Variants in SPTB observed in about 807,000 individuals in gnomAD.
The protein encoded by SPTB is spectrin beta chain, erythrocytic.
SPTB carries 45 observed loss-of-function variants against 256.2 expected under a neutral mutation model. That is an observed-to-expected ratio of 0.18 (90% CI 0.14 to 0.23). The LOEUF is 0.23. Among genes scored for constraint, SPTB ranks in the 10% least tolerant of loss-of-function variants. The probability of loss-of-function intolerance (pLI) is 1.00; values close to 1 mark genes in which losing one functional copy is unlikely to be tolerated. For missense variants in SPTB, 2,715 were observed against 3,040.4 expected (o/e 0.89, Z 2.52); for synonymous variants, 1,231 against 1,243.1 (o/e 0.99, Z 0.21).
At chr14:64,849,902 A>G (rs1219319095) in intron 1 of SPTB, among the ~76,000 whole-genome samples, 2 of 152,146 alleles carry the variant, frequency 1.3e-5, no homozygotes, top group African/African-American at 2.4e-5. Flanking sequence ...TGTACTCTTC[A>G]AAGACAAAGT....
At chr14:64,832,141 A>G (rs2083461765) in intron 1 of SPTB, among the ~76,000 whole-genome samples, 1 of 152,172 alleles carries the variant, frequency 6.6e-6, no homozygotes. Flanking sequence ...ATCTATATTC[A>G]TGGTAGCTTC....
At chr14:64,879,114 G>A (rs1882979953) in intron 1 of SPTB, among the ~76,000 whole-genome samples, 1 of 152,204 alleles carries the variant, frequency 6.6e-6, no homozygotes, top group Non-Finnish European at 1.5e-5. Context: ...GGGTAGAGTA[G>A]CCCGGAGAAG....
chr14:64,765,337 T>G (rs2082153864), intron 32 of SPTB, among the ~76,000 whole-genome samples: 1 of 152,114 alleles, frequency 6.6e-6, no homozygotes, highest in Non-Finnish European at 1.5e-5. Flanking sequence ...AGCCGTGTGC[T>G]GAATTCTTGC....
chr14:64,757,779 G>A (rs2082036354), intron 32 of SPTB, among the ~76,000 whole-genome samples: 2 of 152,174 alleles, frequency 1.3e-5, no homozygotes, highest in Non-Finnish European at 2.9e-5. Context: ...CCTGGAGGGG[G>A]ACAAGGAGGA....
In SPTB at chr14:64,866,718, C is replaced by T. The variant is rs952228099; in HGVS notation, c.-52+13074G>A. Among the ~76,000 whole-genome samples the T allele has an allele frequency of 2.6e-5, 4 of 151,968 alleles. No homozygotes were observed. The highest frequency in any genetic ancestry group is 5.9e-5 in the Non-Finnish European group (4 of 68,000). On this transcript the variant is annotated intron_variant, in intron 1 of 35. Coordinates refer to ENST00000644917, the MANE Select transcript of SPTB (RefSeq NM_001355436.2). This position sits in a 1 kb window ranked among gnomAD's most constrained non-coding sequence, Gnocchi z 4.6. ...CCGTTGGTGAGGCTCACTTTTTGTC[C>T]GGGTAAGGCAGAAATGAGGGCAGAA...
intron 33 of SPTB, among the ~76,000 whole-genome samples, chr14:64,751,927 C>CAAAAAAGAAAAAAAAAAAAAAA (rs2081955776): frequency 1.4e-5 from 1 of 71,940 alleles, no homozygotes; most frequent in African/African-American, 5.7e-5. Flanking sequence ...ACTAAAAATG[C>CAAAAAAGAAAAAAAAAAAAAAA]AAAAAAAAAA....
Position 64,847,735 on chromosome 14 carries a change from A to G in SPTB, c.-51-24590T>C, listed in dbSNP as rs1189713345. Among the ~76,000 whole-genome samples, 1 of 152,136 alleles carries G rather than the reference A, an allele frequency of 6.6e-6. No homozygotes were observed. Among genetic ancestry groups the G allele is most frequent in the Non-Finnish European group, 1.5e-5 (1 of 68,010 alleles). Reference sequence around the variant, plus strand: ...GCCAGATTCTAAATAAACCACTTGAAACTCATTGCAGAGTTCATGCCTAAC... The same window carrying G: ...GCCAGATTCTAAATAAACCACTTGAGACTCATTGCAGAGTTCATGCCTAAC... On this transcript the variant is annotated intron_variant, in intron 1 of 35. Transcript: ENST00000644917. The surrounding 1 kb of genome is among the most constrained non-coding windows in gnomAD (Gnocchi z 5.9).
intron 1 of SPTB, among the ~76,000 whole-genome samples, chr14:64,842,682 G>A (rs148134298): frequency 0.018 from 2,708 of 152,294 alleles, 33 homozygotes; most frequent in Non-Finnish European, 0.027. Flanking sequence ...TAAGGTTGCT[G>A]CTGTTTCCAC....
rs2083822031 is a variant in SPTB, at chr14:64,853,696, G to C, written c.-52+26096C>G. ...AGGGACAGTTGTATTCAATGGGAAA[G>C]ACCTGAACTTATCTATAGGCAAGAG... is the stretch of plus-strand genomic sequence containing the variant. On this transcript the variant is annotated intron_variant, in intron 1 of 35. Transcript: ENST00000644917. This position sits in a 1 kb window ranked among gnomAD's most constrained non-coding sequence, Gnocchi z 4.3. Among the ~76,000 whole-genome samples the C allele has an allele frequency of 6.6e-6, 1 of 152,168 alleles. No homozygotes were observed. Among genetic ancestry groups the C allele is most frequent in the Non-Finnish European group, 1.5e-5 (1 of 68,034 alleles).
Position 64,823,748 on chromosome 14 carries a change from C to T in SPTB, c.-51-603G>A, listed in dbSNP as rs1244202745. 1.3e-5 allele frequency among the ~76,000 whole-genome samples: 2 copies of T among 152,176 alleles called. No individual in the cohort carries two copies. Among genetic ancestry groups the T allele is most frequent in the African/African-American group, 4.8e-5 (2 of 41,434 alleles). ...TTTCTGAGAGCCCTCTGAGTTCCTT[C>T]CCAGCAGTTGGTATTCAGAAAGCTG... On this transcript the variant is annotated intron_variant, in intron 1 of 35. Coordinates refer to ENST00000644917, the MANE Select transcript of SPTB (RefSeq NM_001355436.2). The surrounding 1 kb of genome is among the most constrained non-coding windows in gnomAD (Gnocchi z 6.5).
chr14:64,768,677 A>C, intron 29 of SPTB, among the ~76,000 whole-genome samples: 1 of 144,972 alleles, frequency 6.9e-6, no homozygotes, highest in South Asian at 2.3e-4. Context: ...CCTCCCCCGG[A>C]CCCTCAACCC....
At position 64,779,271 on chromosome 14, in the gene SPTB, G is replaced by A. The variant is rs372951561; in HGVS notation, c.4474-25C>T. Reference sequence around the variant, plus strand: ...GCTGCAGAGACCAGGAGGCAGGAGAGAGCTGATGACAATCACGGCCAACCT... The same window carrying A: ...GCTGCAGAGACCAGGAGGCAGGAGAAAGCTGATGACAATCACGGCCAACCT... On this transcript the variant is annotated intron_variant, in intron 21 of 35. Transcript: ENST00000644917. This position sits in a 1 kb window ranked among gnomAD's most constrained non-coding sequence, Gnocchi z 4.2. The A allele has an allele frequency of 4.7e-5, 75 of 1,599,772 alleles. No homozygotes were observed. Among genetic ancestry groups the A allele is most frequent in the Non-Finnish European group, 6.0e-5 (70 of 1,168,980 alleles).
Position 64,844,096 on chromosome 14 carries a change from T to C in SPTB, c.-51-20951A>G, listed in dbSNP as rs961169207. Reference sequence around the variant, plus strand: ...AGTTGAGATCCAACAAGAGTGGACCTACCCATCCTCAAAATGGTACACCCA... The same window carrying C: ...AGTTGAGATCCAACAAGAGTGGACCCACCCATCCTCAAAATGGTACACCCA... On this transcript the variant is annotated intron_variant, in intron 1 of 35. Transcript: ENST00000644917. This position sits in a 1 kb window ranked among gnomAD's most constrained non-coding sequence, Gnocchi z 4.1. Among the ~76,000 whole-genome samples, 2 of 152,146 alleles carry C rather than the reference T, an allele frequency of 1.3e-5. No homozygotes were observed. Among genetic ancestry groups the C allele is most frequent in the Non-Finnish European group, 2.9e-5 (2 of 68,038 alleles).
intron 1 of SPTB, among the ~76,000 whole-genome samples, chr14:64,861,681 C>T (rs2083973638): frequency 6.6e-6 from 1 of 152,170 alleles, no homozygotes; most frequent in Non-Finnish European, 1.5e-5. Flanking sequence ...TCTCTCAAAC[C>T]ATCAAGTTCT....
intron 20 of SPTB, among the ~76,000 whole-genome samples, chr14:64,780,293 T>C (rs770917649): frequency 8.5e-5 from 13 of 152,220 alleles, no homozygotes; most frequent in Non-Finnish European, 1.8e-4. Flanking sequence ...AAACATCTCA[T>C]GCTCATGTGA....
chr14:64,790,148 C>T lies in SPTB; in HGVS notation c.2804+1571G>A, dbSNP rs2139580927. On this transcript the variant is annotated intron_variant, in intron 15 of 35. Coordinates refer to ENST00000644917, the MANE Select transcript of SPTB (RefSeq NM_001355436.2). The surrounding 1 kb of genome is among the most constrained non-coding windows in gnomAD (Gnocchi z 4.8). The stretch of plus-strand genomic sequence containing the variant: ...AGGCTGCCGGGTGAGGGAGTGAGTT[C>T]CCCATCACTGGCTAGACTGGGTGAC... 6.6e-6 allele frequency among the ~76,000 whole-genome samples: 1 copy of T among 152,216 alleles called. No individual in the cohort carries two copies. Among genetic ancestry groups the T allele is most frequent in the Admixed American group, 6.5e-5 (1 of 15,274 alleles).
At position 64,759,365 on chromosome 14, in the gene SPTB, A is replaced by T. The variant is rs984583438; in HGVS notation, c.6346-5572T>A. Among the ~76,000 whole-genome samples, 1 of 152,206 alleles carries T rather than the reference A, an allele frequency of 6.6e-6. No homozygotes were observed. Among genetic ancestry groups the T allele is most frequent in the African/African-American group, 2.4e-5 (1 of 41,458 alleles). On this transcript the variant is annotated intron_variant, in intron 32 of 35. Transcript: ENST00000644917. This position sits in a 1 kb window ranked among gnomAD's most constrained non-coding sequence, Gnocchi z 4.8. ...TCCTGCCTCTTTCTAGGCCAGATCC[A>T]TCAAGGACCTCCCAGCTCACCAGCT...
At position 64,803,787 on chromosome 14, in the gene SPTB, G is replaced by T; in HGVS notation, c.301-7C>A. On this transcript the variant is annotated splice_region_variant and splice_polypyrimidine_tract_variant and intron_variant, in intron 3 of 35. Transcript: ENST00000644917. ...TCCCCTTGGTGGGCTTTGGCTGGGG[G>T]ACAGCAGTGGCCCCCGTGGGCATGG... 6.2e-7 allele frequency: 1 copy of T among 1,603,874 alleles called. No homozygotes were observed. The highest frequency in any genetic ancestry group is 1.7e-5 in the Admixed American group (1 of 58,164).
chr14:64,749,380 G>A lies in SPTB; in HGVS notation c.6913C>T (p.Leu2305Phe). The change falls in exon 36 of 36, where the codon CTC (leucine) becomes TTC (phenylalanine). Residue 2305 changes from leucine to phenylalanine, a missense_variant. Leu to Phe is a conservative substitution (Grantham distance 22). Around this residue, in one of 4 missense-constraint regions of SPTB, gnomAD observed 2,239 missense variants for 2,384.4 expected, o/e 0.94. Coordinates refer to ENST00000644917, the MANE Select transcript of SPTB (RefSeq NM_001355436.2). The surrounding 1 kb of genome is among the most constrained non-coding windows in gnomAD (Gnocchi z 4.7). ...CCGAGGCTGGCGTCGGGGCCGGAGA[G>A]GGAAGGCAGGGGCAGGCTCTGCGCC... Reference protein sequence around the residue: ...VKAQSLPLPSLSGPDASLGKK... With the variant: ...VKAQSLPLPSFSGPDASLGKK... The A allele has an allele frequency of 6.2e-7, 1 of 1,610,084 alleles. No homozygotes were observed. Among genetic ancestry groups the A allele is most frequent in the South Asian group, 1.1e-5 (1 of 91,022 alleles).
Sources: allele counts gnomAD v4.1 joint callset (sites outside exome capture counted in the v4.1 genomes callset), GRCh38; gene constraint gnomAD v4.1.1; regional missense constraint gnomAD v4.1.1; non-coding constraint Gnocchi (gnomAD v3.1); transcripts MANE v1.5; gene names NCBI Gene and HGNC (gene_info 2026-07-23, HGNC 2026-07-21).